MAGI2: variants seen among roughly 807,000 people sequenced by gnomAD.
MAGI2 encodes membrane-associated guanylate kinase, WW and PDZ domain-containing protein 2.
A neutral mutation model predicts 133.3 loss-of-function variants in MAGI2; 35 were observed. That is an observed-to-expected ratio of 0.26 (90% CI 0.20 to 0.35). MAGI2 has a LOEUF of 0.35. Among genes scored for constraint, MAGI2 ranks in the 10% least tolerant of loss-of-function variants. The probability of loss-of-function intolerance (pLI) is 1.00; values close to 1 mark genes in which losing one functional copy is unlikely to be tolerated. For missense variants in MAGI2, 1,636 were observed against 1,863.4 expected (o/e 0.88, Z 2.25); for synonymous variants, 729 against 710.6 (o/e 1.03, Z -0.41).
intron 4 of MAGI2, among the ~76,000 whole-genome samples, chr7:78,515,874 G>A (rs1344199305): frequency 6.6e-6 from 1 of 152,042 alleles, no homozygotes; most frequent in Non-Finnish European, 1.5e-5. Flanking sequence ...ACTCCAGCCT[G>A]GGCAACAAGA....
intron 21 of MAGI2, among the ~76,000 whole-genome samples, chr7:78,067,452 C>A (rs1304788340): frequency 6.6e-6 from 1 of 152,144 alleles, no homozygotes; most frequent in Non-Finnish European, 1.5e-5. Context: ...GTGTATGTGT[C>A]CAATCCTAAA....
At chr7:78,752,400 C>T (rs1436726856) in intron 2 of MAGI2, among the ~76,000 whole-genome samples, 3 of 151,998 alleles carry the variant, frequency 2.0e-5, no homozygotes, top group Non-Finnish European at 2.9e-5. Flanking sequence ...GTCAGGAGTT[C>T]GAGACCACCC....
chr7:79,206,124 A>G (rs1348753724), intron 1 of MAGI2, among the ~76,000 whole-genome samples: 1 of 151,722 alleles, frequency 6.6e-6, no homozygotes, highest in East Asian at 1.9e-4. Flanking sequence ...CCTCAAAACA[A>G]TAAGAAAGAT....
At chr7:78,864,327 A>C (rs905018659) in intron 2 of MAGI2, among the ~76,000 whole-genome samples, 2 of 152,200 alleles carry the variant, frequency 1.3e-5, no homozygotes, top group Admixed American at 1.3e-4. Flanking sequence ...TTACACGTAT[A>C]CCATTCTACA....
At chr7:79,425,778 A>G (rs1435427059) in intron 1 of MAGI2, among the ~76,000 whole-genome samples, 1 of 151,116 alleles carries the variant, frequency 6.6e-6, no homozygotes, top group Non-Finnish European at 1.5e-5. Context: ...AGAGAGAGAG[A>G]GGGTTGGGGG....
intron 1 of MAGI2, among the ~76,000 whole-genome samples, chr7:79,301,385 A>G (rs1028526085): frequency 6.6e-6 from 1 of 152,232 alleles, no homozygotes; most frequent in African/African-American, 2.4e-5. Flanking sequence ...TGTGCCCTGG[A>G]TGTGGGACAT....
At chr7:78,370,636 C>T (rs1793825577) in intron 6 of MAGI2, among the ~76,000 whole-genome samples, 1 of 151,880 alleles carries the variant, frequency 6.6e-6, no homozygotes, top group Non-Finnish European at 1.5e-5. Flanking sequence ...AATTTATAAT[C>T]TCACTGAGAG....
At chr7:79,368,131 CA>C (rs1180021825) in intron 1 of MAGI2, among the ~76,000 whole-genome samples, 1 of 151,768 alleles carries the variant, frequency 6.6e-6, no homozygotes, top group Non-Finnish European at 1.5e-5. Context: ...CTATTTAGAC[CA>C]AAAGTTTTCC....
chr7:78,561,619 G>A (rs1273171181), intron 3 of MAGI2, among the ~76,000 whole-genome samples: 1 of 152,178 alleles, frequency 6.6e-6, no homozygotes, highest in Non-Finnish European at 1.5e-5. Flanking sequence ...GAAGTGGGGA[G>A]GTCTCCTGAT....
chr7:79,270,478 A>G (rs1290997514), intron 1 of MAGI2, among the ~76,000 whole-genome samples: 1 of 152,200 alleles, frequency 6.6e-6, no homozygotes, highest in Admixed American at 6.5e-5. Context: ...GTGATCATCA[A>G]TTATGATTAT....
chr7:78,744,816 T>A (rs1822770224), intron 2 of MAGI2, among the ~76,000 whole-genome samples: 1 of 152,094 alleles, frequency 6.6e-6, no homozygotes, highest in South Asian at 2.1e-4. Context: ...ATAGAAAAAA[T>A]AGACATGCAA....
chr7:79,236,409 T>C lies in MAGI2; in HGVS notation c.301+216611A>G, dbSNP rs541169843. On this transcript the variant is annotated intron_variant, in intron 1 of 21. Transcript: ENST00000354212. ...GGAAGTCAAGGGTTAGCATGAGGGA[T>C]TGGAACTGAAAACAATCATTGCTCA... Among the ~76,000 whole-genome samples the C allele has an allele frequency of 3.3e-5, 5 of 152,306 alleles. No homozygotes were observed. In the South Asian group the frequency reaches 1.0e-3, roughly 32 times the overall value.
chr7:79,064,019 C>G (rs148510884), intron 1 of MAGI2, among the ~76,000 whole-genome samples: 1 of 151,968 alleles, frequency 6.6e-6, no homozygotes, highest in Non-Finnish European at 1.5e-5. Flanking sequence ...AGATATCTCA[C>G]GTATATAGCT....
chr7:78,268,107 A>C (rs771086337), intron 9 of MAGI2, among the ~76,000 whole-genome samples: 2 of 152,074 alleles, frequency 1.3e-5, no homozygotes, highest in Non-Finnish European at 2.9e-5. Flanking sequence ...CCATTCCAGC[A>C]AAATAAGGTT....
intron 2 of MAGI2, among the ~76,000 whole-genome samples, chr7:78,721,799 C>T (rs1459987340): frequency 2.0e-5 from 3 of 151,746 alleles, no homozygotes; most frequent in Non-Finnish European, 4.4e-5. Context: ...AATTTATAAA[C>T]CCAAACATAA....
rs545466144 is a variant in MAGI2 at position 78,390,197 on chromosome 7, A to T, written c.1046-20984T>A. On this transcript the variant is annotated intron_variant, in intron 6 of 21. Coordinates refer to ENST00000354212, the MANE Select transcript of MAGI2 (RefSeq NM_012301.4). ...AGTAATATATTTAAACCCCCATTAG[A>T]CATAGAATTTATTATAAATGAAAGT... Among the ~76,000 whole-genome samples the T allele has an allele frequency of 2.6e-5, 4 of 152,336 alleles. No homozygotes were observed. The South Asian group carries it at 8.3e-4, about 32-fold the overall frequency.
intron 1 of MAGI2, among the ~76,000 whole-genome samples, chr7:79,156,714 AC>A (rs1478750460): frequency 1.3e-5 from 2 of 152,036 alleles, no homozygotes; most frequent in African/African-American, 4.8e-5. Context: ...TACCCTGACC[AC>A]CTTAGGCACA....
At chr7:78,688,119 G>GA (rs1156378792) in intron 2 of MAGI2, among the ~76,000 whole-genome samples, 2 of 151,278 alleles carry the variant, frequency 1.3e-5, no homozygotes, top group Non-Finnish European at 2.9e-5. Context: ...ATGTAGCTTT[G>GA]AAAAAACCCC....
chr7:78,045,672 C>A (rs1033103931), intron 21 of MAGI2, among the ~76,000 whole-genome samples: 5 of 152,046 alleles, frequency 3.3e-5, no homozygotes, highest in Non-Finnish European at 7.4e-5. Context: ...TGAGACAAGC[C>A]CTCTTTGCCT....
Sources: gnomAD v4.1 joint callset for allele counts (sites outside exome capture counted in the v4.1 genomes callset) on GRCh38, gnomAD v4.1.1 for gene constraint, MANE v1.5 for transcripts, NCBI Gene and HGNC (gene_info 2026-07-23, HGNC 2026-07-21) for gene names.